FRMD4A: variants seen among roughly 807,000 people sequenced by gnomAD.
FRMD4A encodes the protein FERM domain-containing protein 4A.
FRMD4A carries 29 observed loss-of-function variants against 129.1 expected under a neutral mutation model. The observed-to-expected ratio is 0.22, with a 90% confidence interval of 0.17 to 0.31. FRMD4A has a LOEUF of 0.31. Ranked by LOEUF, FRMD4A falls within the 10% of genes least tolerant of loss-of-function variation. The pLI is 1.00. For synonymous variants in FRMD4A, 634 were observed against 571.6 expected, an observed-to-expected ratio of 1.11 and a Z score of -1.56; for missense variants, 1,272 against 1,375.8, an observed-to-expected ratio of 0.92 and a Z score of 1.19.
At chr10:13,813,671 G>C (rs1436911926) in intron 3 of FRMD4A, among the ~76,000 whole-genome samples, 1 of 152,192 alleles carries the variant, frequency 6.6e-6, no homozygotes, top group African/African-American at 2.4e-5. Flanking sequence ...ATCATAGAGT[G>C]TTGAATGGCT....
At chr10:14,213,127 C>T (rs1299027090) in intron 2 of FRMD4A, among the ~76,000 whole-genome samples, 1 of 151,984 alleles carries the variant, frequency 6.6e-6, no homozygotes, top group Non-Finnish European at 1.5e-5. Context: ...GCTTGGAGTC[C>T]CAGCTCCTTA....
At chr10:13,847,199 G>C (rs1374786617) in intron 3 of FRMD4A, among the ~76,000 whole-genome samples, 1 of 152,182 alleles carries the variant, frequency 6.6e-6, no homozygotes, top group Non-Finnish European at 1.5e-5. Context: ...GAGGTGCTGG[G>C]GCTGCCACCG....
At chr10:14,046,453 C>T (rs1833995517) in intron 2 of FRMD4A, among the ~76,000 whole-genome samples, 1 of 152,098 alleles carries the variant, frequency 6.6e-6, no homozygotes, top group African/African-American at 2.4e-5. Flanking sequence ...CGGCAAGATA[C>T]AAAGCTGTTC....
At chr10:13,911,516 C>A (rs926421890) in intron 2 of FRMD4A, among the ~76,000 whole-genome samples, 4 of 152,166 alleles carry the variant, frequency 2.6e-5, no homozygotes, top group Non-Finnish European at 2.9e-5. Flanking sequence ...TTTTCACCTG[C>A]AGAAGCCTAA....
At chr10:13,810,786 G>A (rs369671241) in intron 4 of FRMD4A, 28 bp downstream of exon 4, 11 of 1,207,864 alleles carry the variant, frequency 9.1e-6, no homozygotes, top group Non-Finnish European at 1.3e-5. Flanking sequence ...TCTCCCTTCG[G>A]GCTGTGAGGG....
At chr10:14,216,201 C>T (rs956714488) in intron 2 of FRMD4A, among the ~76,000 whole-genome samples, 1 of 152,178 alleles carries the variant, frequency 6.6e-6, no homozygotes, top group African/African-American at 2.4e-5. Flanking sequence ...TCACCCCATC[C>T]TCACTATTCC....
At chr10:13,836,486 A>G (rs551876799) in intron 3 of FRMD4A, among the ~76,000 whole-genome samples, 75 of 152,236 alleles carry the variant, frequency 4.9e-4, no homozygotes, top group African/African-American at 1.1e-3. Context: ...GGGCGCGGGG[A>G]GGAAACAGAG....
chr10:13,902,774 A>G (rs1475431712), intron 2 of FRMD4A, among the ~76,000 whole-genome samples: 1 of 148,660 alleles, frequency 6.7e-6, no homozygotes, highest in Non-Finnish European at 1.5e-5. Flanking sequence ...CGGGAGGTGG[A>G]GATTGCAGTG....
intron 2 of FRMD4A, among the ~76,000 whole-genome samples, chr10:14,000,655 A>AAAAAAAAAAAAAAAG: frequency 7.4e-6 from 1 of 135,728 alleles, no homozygotes; most frequent in African/African-American, 2.5e-5. Flanking sequence ...TCAAAAAAAA[A>AAAAAAAAAAAAAAAG]AAAAAAAAAA....
intron 2 of FRMD4A, among the ~76,000 whole-genome samples, chr10:14,028,963 C>T (rs553322460): frequency 2.6e-5 from 4 of 152,158 alleles, no homozygotes; most frequent in South Asian, 2.1e-4. Context: ...CCACTTTAAC[C>T]GTTGATCAAA....
intron 2 of FRMD4A, among the ~76,000 whole-genome samples, chr10:13,953,070 C>A (rs2095384684): frequency 6.6e-6 from 1 of 152,172 alleles, no homozygotes; most frequent in African/African-American, 2.4e-5. Context: ...TATTACCTTA[C>A]ACCAGCTGAT....
intron 2 of FRMD4A, among the ~76,000 whole-genome samples, chr10:14,328,026 G>C (rs941516054): frequency 6.6e-6 from 1 of 152,010 alleles, no homozygotes; most frequent in African/African-American, 2.4e-5. Flanking sequence ...AATTACTTTG[G>C]GGTTTACCCT....
intron 3 of FRMD4A, among the ~76,000 whole-genome samples, chr10:13,823,603 T>TA (rs1219326019): frequency 6.6e-6 from 1 of 152,166 alleles, no homozygotes; most frequent in East Asian, 1.9e-4. Flanking sequence ...TTGTTGTTGT[T>TA]AAAAGAAAGC....
chr10:13,675,027 T>A lies in FRMD4A; in HGVS notation c.1135A>T (p.Ser379Cys). ...LLSSGSQESD[S>C]SQSAKKDMLA... ...ATGTCCTTCTTGGCCGACTGCGAGCTATCTGATTCCTGAGAACCTGTCGAT... is the reference window on the plus strand; with the variant it reads ...ATGTCCTTCTTGGCCGACTGCGAGCAATCTGATTCCTGAGAACCTGTCGAT... Residue 379 changes from serine (S) to cysteine (C), a missense_variant, in exon 16 of 25, where the codon AGC becomes TGC. This residue lies in a region of FRMD4A where 300 missense variants were observed against 483.6 expected (regional missense o/e 0.62). Coordinates refer to ENST00000357447, the MANE Select transcript of FRMD4A (RefSeq NM_018027.5). The A allele has an allele frequency of 6.2e-7, 1 of 1,613,460 alleles. No homozygotes were observed. Among genetic ancestry groups the A allele is most frequent in the East Asian group, 2.2e-5 (1 of 44,884 alleles).
chr10:13,825,813 T>C (rs1163175685), intron 3 of FRMD4A, among the ~76,000 whole-genome samples: 1 of 152,220 alleles, frequency 6.6e-6, no homozygotes, highest in East Asian at 1.9e-4. Flanking sequence ...TGTGGATAAC[T>C]GAAACGTGGA....
chr10:13,663,260 A>T (rs1190517766), intron 19 of FRMD4A, among the ~76,000 whole-genome samples, 193 bp downstream of exon 19: 1 of 151,506 alleles, frequency 6.6e-6, no homozygotes, highest in Non-Finnish European at 1.5e-5. Context: ...GCTCTAATAC[A>T]CATGGGTTTA....
At chr10:13,659,123 T>C (rs1285769610) in intron 21 of FRMD4A, among the ~76,000 whole-genome samples, 200 bp downstream of exon 21, 3 of 152,188 alleles carry the variant, frequency 2.0e-5, no homozygotes, top group Non-Finnish European at 4.4e-5. Context: ...ATTCTTTGGC[T>C]GACTCCAAGT....
intron 2 of FRMD4A, among the ~76,000 whole-genome samples, chr10:14,285,842 G>A (rs1186232100): frequency 6.6e-6 from 1 of 152,104 alleles, no homozygotes; most frequent in Non-Finnish European, 1.5e-5. Context: ...AATATATCAC[G>A]TTCTCAATTT....
intron 2 of FRMD4A, among the ~76,000 whole-genome samples, chr10:14,199,278 CTTATT>C (rs200541952): frequency 0.066 from 9,241 of 139,564 alleles, 342 homozygotes; most frequent in Admixed American, 0.12. Flanking sequence ...TTTTAAGTGT[CTTATT>C]TTATTTATTT....
Sources: gnomAD v4.1 joint callset for allele counts (sites outside exome capture counted in the v4.1 genomes callset) on GRCh38, gnomAD v4.1.1 for gene constraint, gnomAD v4.1.1 regional missense constraint, MANE v1.5 for transcripts, NCBI Gene and HGNC (gene_info 2026-07-23, HGNC 2026-07-21) for gene names.